TENM4: variants seen among roughly 807,000 people sequenced by gnomAD.
TENM4 encodes teneurin transmembrane protein 4.
Under a neutral mutation model 243.3 loss-of-function variants are expected in TENM4, and 82 were observed. The observed-to-expected ratio is 0.34, with a 90% CI of 0.28 to 0.40. TENM4 has a LOEUF of 0.40. Ranked by LOEUF, TENM4 falls within the 10% of genes least tolerant of loss-of-function variation. The pLI, the probability that TENM4 is intolerant of heterozygous loss-of-function variation, is 1.00. For missense variants in TENM4, 3,138 were observed against 3,673.3 expected (o/e 0.85, Z 3.77); for synonymous variants, 1,412 against 1,456.3 (o/e 0.97, Z 0.69).
At chr11:78,855,068 C>T (rs1413143598) in intron 11 of TENM4, among the ~76,000 whole-genome samples, 1 of 152,152 alleles carries the variant, frequency 6.6e-6, no homozygotes, top group South Asian at 2.1e-4. Flanking sequence ...AGCTAGCTAG[C>T]TAGCTTTAAA....
intron 22 of TENM4, among the ~76,000 whole-genome samples, chr11:78,726,668 G>A (rs939618060): frequency 2.0e-5 from 3 of 152,056 alleles, no homozygotes; most frequent in Non-Finnish European, 2.9e-5. Context: ...TCATCATGGT[G>A]AGCGAGTTCT....
chr11:78,655,507 T>G lies in TENM4; in HGVS notation c.*2551A>C, dbSNP rs1565315293. On this transcript the variant is annotated 3_prime_UTR_variant, in exon 34 of 34. Coordinates refer to ENST00000278550, the MANE Select transcript of TENM4 (RefSeq NM_001098816.3). Reference sequence around the variant, plus strand: ...GCCTGGGCAACATAGTGAGACCCCATCTCTATGAAAAAAAAAAGAAAGAAA... The same window carrying G: ...GCCTGGGCAACATAGTGAGACCCCAGCTCTATGAAAAAAAAAAGAAAGAAA... 2.0e-5 allele frequency: 3 copies of G among 148,648 alleles called. No homozygotes were observed. The highest frequency in any genetic ancestry group is 2.0e-4 in the East Asian group (1 of 5,068). The allele number at this position is 148,648 out of a possible 1,614,324, so 9.2% of individuals were successfully genotyped here. A position where few individuals can be genotyped will look rare whatever the true frequency, so the allele number is the denominator to read the frequency against.
chr11:79,406,973 C>A (rs1263122978), intron 1 of TENM4, among the ~76,000 whole-genome samples: 2 of 152,184 alleles, frequency 1.3e-5, no homozygotes, highest in Admixed American at 6.5e-5. Flanking sequence ...CTGTGCCAGG[C>A]TCTATGCTCT....
chr11:79,130,357 T>G, intron 4 of TENM4, among the ~76,000 whole-genome samples: 1 of 151,144 alleles, frequency 6.6e-6, no homozygotes, highest in Non-Finnish European at 1.5e-5. Flanking sequence ...ATCACACGAG[T>G]TCACTAGCAA....
intron 18 of TENM4, among the ~76,000 whole-genome samples, chr11:78,761,125 C>G (rs1591002160): frequency 6.6e-6 from 1 of 152,140 alleles, no homozygotes; most frequent in Non-Finnish European, 1.5e-5. Flanking sequence ...TTGATTCTAG[C>G]TCATGGTCAA....
chr11:78,748,290 T>C (rs1297052553), intron 19 of TENM4, among the ~76,000 whole-genome samples: 1 of 152,142 alleles, frequency 6.6e-6, no homozygotes, highest in African/African-American at 2.4e-5. Context: ...CCCCATGAGA[T>C]ATGGATTATT....
intron 6 of TENM4, among the ~76,000 whole-genome samples, chr11:78,993,815 A>T (rs571554615): frequency 6.6e-6 from 1 of 152,236 alleles, no homozygotes; most frequent in African/African-American, 2.4e-5. Flanking sequence ...CAAAGTCCTT[A>T]TTTGCTAATT....
At chr11:78,943,710 C>T (rs1027894854) in intron 6 of TENM4, among the ~76,000 whole-genome samples, 2 of 152,090 alleles carry the variant, frequency 1.3e-5, no homozygotes, top group African/African-American at 2.4e-5. Flanking sequence ...TCCAGGTGTG[C>T]TACTTTAATG....
In TENM4 at chr11:78,862,962, C is replaced by T; in HGVS notation, c.1255G>A (p.Gly419Arg). 1 of 1,456,982 alleles carries T rather than the reference C, an allele frequency of 6.9e-7. No individual in the cohort carries two copies. Among genetic ancestry groups the T allele is most frequent in the Non-Finnish European group, 9.2e-7 (1 of 1,084,908 alleles). 90.3% of individuals were successfully genotyped at this position (1,456,982 alleles called of 1,614,324 possible). The stretch of plus-strand genomic sequence containing the variant: ...AACACGGACAACGCAGCAACCCTAC[C>T]TTCTGTGGTTCCTTTGCCTTTCCTG... ...PDRKGKGTTE[G>R]KPSSFFPEDS... is the part of the protein sequence containing the mutation. The change falls in exon 10 of 34, where the codon GGA (glycine) becomes AGA (arginine). Residue 419 changes from glycine to arginine, a missense_variant and splice_region_variant. By Grantham distance (125) the Gly-to-Arg change is moderately radical. Transcript: ENST00000278550.
intron 27 of TENM4, among the ~76,000 whole-genome samples, chr11:78,707,297 T>C (rs1859281120): frequency 1.3e-5 from 2 of 152,274 alleles, no homozygotes; most frequent in Admixed American, 6.5e-5. Flanking sequence ...AGCATGGGCC[T>C]GGCCCAGCCA....
chr11:79,009,959 A>C (rs563383889), intron 6 of TENM4, among the ~76,000 whole-genome samples: 1 of 152,202 alleles, frequency 6.6e-6, no homozygotes, highest in African/African-American at 2.4e-5. Flanking sequence ...GATAGTGATA[A>C]GTCTCATGAG....
At chr11:79,306,440 G>A (rs544865414) in intron 1 of TENM4, among the ~76,000 whole-genome samples, 43 of 152,292 alleles carry the variant, frequency 2.8e-4, no homozygotes, top group Non-Finnish European at 4.6e-4. Context: ...CATTTAGGCC[G>A]AGGGAAGGTG....
chr11:78,894,692 G>A (rs914312794), intron 7 of TENM4, among the ~76,000 whole-genome samples: 4 of 152,150 alleles, frequency 2.6e-5, no homozygotes, highest in Non-Finnish European at 4.4e-5. Flanking sequence ...ATGAGCACTT[G>A]CTGAAAATGT....
intron 4 of TENM4, among the ~76,000 whole-genome samples, chr11:79,114,101 C>T (rs1861568580): frequency 6.6e-6 from 1 of 152,178 alleles, no homozygotes; most frequent in Non-Finnish European, 1.5e-5. Context: ...TATCTCAACG[C>T]CTTGCTGCCA....
At chr11:79,399,933 G>C (rs1858421905) in intron 1 of TENM4, among the ~76,000 whole-genome samples, 1 of 151,996 alleles carries the variant, frequency 6.6e-6, no homozygotes. Flanking sequence ...TCAATAAATG[G>C]TAATTATTAT....
At chr11:79,302,185 AG>A (rs1175750167) in intron 1 of TENM4, among the ~76,000 whole-genome samples, 1 of 152,240 alleles carries the variant, frequency 6.6e-6, no homozygotes, top group Non-Finnish European at 1.5e-5. Flanking sequence ...AATCACCTCT[AG>A]GTTTTCATAA....
chr11:78,817,156 A>G (rs902921352), intron 12 of TENM4, among the ~76,000 whole-genome samples: 1 of 152,220 alleles, frequency 6.6e-6, no homozygotes, highest in African/African-American at 2.4e-5. Flanking sequence ...GGGCAAAATT[A>G]GCAGAGGGAA....
At chr11:79,133,145 T>A (rs897247442) in intron 4 of TENM4, among the ~76,000 whole-genome samples, 1 of 151,528 alleles carries the variant, frequency 6.6e-6, no homozygotes, top group African/African-American at 2.4e-5. Context: ...CCAAATAACC[T>A]CACTAAGAAA....
At chr11:79,332,631 T>C (rs539486977) in intron 1 of TENM4, among the ~76,000 whole-genome samples, 1 of 152,312 alleles carries the variant, frequency 6.6e-6, no homozygotes, top group Admixed American at 6.5e-5. Context: ...CATTGCTTCA[T>C]TTTGTTTGGA....
Sources: gnomAD v4.1 joint callset for allele counts (sites outside exome capture counted in the v4.1 genomes callset) on GRCh38, gnomAD v4.1.1 for gene constraint, MANE v1.5 for transcripts, NCBI Gene and HGNC (gene_info 2026-07-23, HGNC 2026-07-21) for gene names.